The following LARS2 variants were observed in gnomAD, a reference collection of about 807,000 sequenced individuals.
The protein encoded by LARS2 is leucine--tRNA ligase, mitochondrial.
In LARS2, 81 loss-of-function variants were observed where a neutral mutation model predicts 116.6. The observed-to-expected ratio is 0.69, with a 90% CI of 0.58 to 0.84. The LOEUF (loss-of-function observed/expected upper bound fraction) is 0.84, where lower values mean the gene tolerates loss of function less well. LARS2 is among the 40% of genes least tolerant of loss of function. The pLI is 0.00. For synonymous variants in LARS2, 396 were observed against 407.2 expected (o/e 0.97, Z 0.33); for missense variants, 968 against 1,114.5 (o/e 0.87, Z 1.87).
chr3:45,404,461 G>T (rs1698201393), intron 4 of LARS2, among the ~76,000 whole-genome samples: 1 of 152,120 alleles, frequency 6.6e-6, no homozygotes, highest in Admixed American at 6.5e-5. Flanking sequence ...AATCTTTCCT[G>T]CCCAGTGTCA....
intron 4 of LARS2, among the ~76,000 whole-genome samples, chr3:45,412,665 T>C (rs1698350045): frequency 6.6e-6 from 1 of 152,206 alleles, no homozygotes; most frequent in Non-Finnish European, 1.5e-5. Context: ...TGGGATCATC[T>C]CAGCCTGGAA....
chr3:45,484,648 T>TATATATATATATATATATATATA (rs34218817), intron 10 of LARS2, among the ~76,000 whole-genome samples: 1 of 80,914 alleles, frequency 1.2e-5, no homozygotes. Flanking sequence ...TATATATATA[T>TATATATATATATATATATATATA]TTAAAATAAG....
chr3:45,479,660 C>T (rs1699665407), intron 10 of LARS2, among the ~76,000 whole-genome samples: 2 of 152,148 alleles, frequency 1.3e-5, no homozygotes, highest in South Asian at 2.1e-4. Context: ...TAATCGTTGA[C>T]GTCGCCTCCT....
chr3:45,486,234 G>T (rs1450564580), intron 11 of LARS2, among the ~76,000 whole-genome samples: 1 of 152,206 alleles, frequency 6.6e-6, no homozygotes, highest in Admixed American at 6.5e-5. Flanking sequence ...ACAAATGATA[G>T]ATGTGGGCTG....
rs143975369 is a variant in LARS2, at chr3:45,409,500, G to A, written c.364-7982G>A. Among the ~76,000 whole-genome samples the A allele has an allele frequency of 1.2e-3, 177 of 152,230 alleles. 2 individuals carry two copies. Among genetic ancestry groups the A allele is most frequent in the Middle Eastern group, 0.01 (3 of 294 alleles). On this transcript the variant is annotated intron_variant, in intron 4 of 21. Coordinates refer to ENST00000645846, the MANE Select transcript of LARS2 (RefSeq NM_015340.4). ...AAGCACCTAACCCAGTGTATTTCAC[G>A]TAAATAGGCCATAACAACTTGACCA...
chr3:45,461,468 C>T (rs997284584), intron 8 of LARS2, among the ~76,000 whole-genome samples: 1 of 151,798 alleles, frequency 6.6e-6, no homozygotes, highest in African/African-American at 2.4e-5. Flanking sequence ...CAAGATAGGG[C>T]TGGAGAGATG....
chr3:45,397,210 A>G (rs553406715), intron 3 of LARS2, among the ~76,000 whole-genome samples: 1 of 152,336 alleles, frequency 6.6e-6, no homozygotes, highest in Non-Finnish European at 1.5e-5. Flanking sequence ...TTCCCTTTCA[A>G]TCAGATTCTT....
At chr3:45,514,869 G>A (rs1700348783) in intron 16 of LARS2, among the ~76,000 whole-genome samples, 1 of 152,224 alleles carries the variant, frequency 6.6e-6, no homozygotes, top group African/African-American at 2.4e-5. Context: ...AAACATCTAG[G>A]ACTTCAGTCT....
intron 13 of LARS2, 138 bp from the exon 14 acceptor site, chr3:45,496,137 G>A: frequency 3.1e-6 from 2 of 651,092 alleles, no homozygotes; most frequent in Admixed American, 4.9e-5. Flanking sequence ...GGGATTACAA[G>A]CGTGAGCCAC....
chr3:45,535,474 G>A (rs1021084385), intron 20 of LARS2, among the ~76,000 whole-genome samples: 3 of 152,158 alleles, frequency 2.0e-5, no homozygotes, highest in African/African-American at 7.2e-5. Context: ...TGACCCAACA[G>A]GCAACAGCTT....
intron 1 of LARS2, among the ~76,000 whole-genome samples, chr3:45,389,570 G>T (rs760133468): frequency 6.6e-6 from 1 of 152,220 alleles, no homozygotes; most frequent in Non-Finnish European, 1.5e-5. Context: ...TTCACCTTAA[G>T]CTCCAACTGA....
intron 18 of LARS2, 112 bp downstream of exon 18, chr3:45,518,184 T>C: frequency 1.4e-6 from 1 of 739,950 alleles, no homozygotes; most frequent in Non-Finnish European, 2.2e-6. Context: ...CTGTGGGTCT[T>C]CCTTCCTGGC....
intron 8 of LARS2, among the ~76,000 whole-genome samples, chr3:45,462,680 C>T (rs948100367): frequency 6.6e-5 from 10 of 152,124 alleles, no homozygotes; most frequent in African/African-American, 1.2e-4. Flanking sequence ...AAGCTGTGCC[C>T]GCACAGTTAT....
intron 9 of LARS2, among the ~76,000 whole-genome samples, chr3:45,475,552 C>T (rs1699595799): frequency 6.6e-6 from 1 of 152,230 alleles, no homozygotes; most frequent in Admixed American, 6.5e-5. Flanking sequence ...TCTTAACTAG[C>T]ATTCGGTGTG....
chr3:45,417,402 T>C (rs1016761080), intron 4 of LARS2, 80 bp from the exon 5 acceptor site: 6 of 1,031,028 alleles, frequency 5.8e-6, no homozygotes, highest in African/African-American at 1.6e-5. Context: ...CAGGAGAGAG[T>C]GCTGAGTTTG....
chr3:45,485,706 G>A lies in LARS2; in HGVS notation c.1033G>A (p.Val345Ile), dbSNP rs143856947. The A allele has an allele frequency of 6.2e-7, 1 of 1,606,246 alleles. No individual in the cohort carries two copies. The highest frequency in any genetic ancestry group is 2.2e-5 in the East Asian group (1 of 44,512). ...LVPGKDCLTP[V>I]MAVNMLTQQE... The stretch of plus-strand genomic sequence containing the variant: ...CTCATTTTCAGATTGCCTCACGCCT[G>A]TAATGGCTGTGAACATGCTTACCCA... The change falls in exon 11 of 22, where the codon GTA becomes ATA. Residue 345 changes from valine to isoleucine, a missense_variant. Physicochemically the swap from Val to Ile is conservative, Grantham distance 29. Transcript: ENST00000645846.
In LARS2 at chr3:45,485,702, G is replaced by A. The variant is rs139192293; in HGVS notation, c.1029G>A (p.Thr343=). The change falls in exon 11 of 22, where the codon ACG becomes ACA. Residue 343 remains threonine, a synonymous_variant. Coordinates refer to ENST00000645846, the MANE Select transcript of LARS2 (RefSeq NM_015340.4). ...TGCTCTCATTTTCAGATTGCCTCAC[G>A]CCTGTAATGGCTGTGAACATGCTTA... ...MALVPGKDCL[T]PVMAVNMLTQ... is the part of the protein sequence containing the mutation. 1.0e-5 allele frequency: 16 copies of A among 1,601,662 alleles called. No individual in the cohort carries two copies. Among genetic ancestry groups the A allele is most frequent in the Middle Eastern group, 1.7e-4 (1 of 6,036 alleles).
Position 45,408,829 on chromosome 3 carries a change from G to C in LARS2, c.363+8456G>C, listed in dbSNP as rs75687029. ...CTTCCCACTCAACTTTAAACATATA[G>C]AGTATTAGTTAAACGAACCAGGTGG... is the stretch of plus-strand genomic sequence containing the variant. On this transcript the variant is annotated intron_variant, in intron 4 of 21. Coordinates refer to ENST00000645846, the MANE Select transcript of LARS2 (RefSeq NM_015340.4). Among the ~76,000 whole-genome samples the C allele has an allele frequency of 6.2e-3, 939 of 152,282 alleles. 11 individuals carry two copies. Among genetic ancestry groups the C allele is most frequent in the African/African-American group, 0.022 (905 of 41,540 alleles).
intron 19 of LARS2, among the ~76,000 whole-genome samples, chr3:45,523,388 C>T (rs1463107136): frequency 6.6e-6 from 1 of 152,172 alleles, no homozygotes; most frequent in East Asian, 1.9e-4. Flanking sequence ...AAGAGTTTGG[C>T]TACAGTGTGC....
Sources: allele counts gnomAD v4.1 joint callset (sites outside exome capture counted in the v4.1 genomes callset), GRCh38; gene constraint gnomAD v4.1.1; transcripts MANE v1.5; gene names NCBI Gene and HGNC (gene_info 2026-07-23, HGNC 2026-07-21).